Variants in WNT2B observed in about 807,000 individuals in gnomAD.
WNT2B encodes the protein protein Wnt-2b.
In WNT2B, 19 loss-of-function variants were observed where a neutral mutation model predicts 40.5. The observed-to-expected ratio is 0.47, with a 90% CI of 0.33 to 0.69. The LOEUF (loss-of-function observed/expected upper bound fraction) is 0.69. Among genes scored for constraint, WNT2B ranks in the 30% least tolerant of loss-of-function variants. The probability of loss-of-function intolerance (pLI) is 0.02; values close to 1 mark genes in which losing one functional copy is unlikely to be tolerated. For synonymous variants in WNT2B, 220 were observed against 211.9 expected, an observed-to-expected ratio of 1.04 and a Z score of -0.33; for missense variants, 467 against 556.4, an observed-to-expected ratio of 0.84 and a Z score of 1.62.
intron 1 of WNT2B, among the ~76,000 whole-genome samples, chr1:112,481,380 A>C (rs1264100051): frequency 6.6e-6 from 1 of 152,190 alleles, no homozygotes; most frequent in East Asian, 1.9e-4. Context: ...GACTCTCAAC[A>C]AAAGAGGTAC....
chr1:112,481,848 A>C (rs981350216), intron 1 of WNT2B, among the ~76,000 whole-genome samples: 6 of 152,088 alleles, frequency 3.9e-5, no homozygotes, highest in Admixed American at 3.3e-4. Flanking sequence ...CCATATCTAC[A>C]AAAATTTTTT....
At chr1:112,492,828 C>T (rs748117649) in intron 1 of WNT2B, among the ~76,000 whole-genome samples, 1 of 152,180 alleles carries the variant, frequency 6.6e-6, no homozygotes, top group African/African-American at 2.4e-5. Flanking sequence ...GATTGAGAAG[C>T]TTTTGCGAGG....
chr1:112,493,497 T>C (rs1246286333), intron 1 of WNT2B, among the ~76,000 whole-genome samples: 1 of 152,016 alleles, frequency 6.6e-6, no homozygotes, highest in East Asian at 1.9e-4. Context: ...TGGTGCACGC[T>C]TGTGGTCCCA....
rs1352320682 is a variant in WNT2B at position 112,509,225 on chromosome 1, G to A, written c.-38G>A. ...TACCCCCAGAAGGTGCCCCGTCCAC[G>A]CCCCTCCGGGCTGCGCGGCGGGAGT... On this transcript the variant is annotated 5_prime_UTR_variant, in exon 1 of 5. Coordinates refer to ENST00000369684, the MANE Select transcript of WNT2B (RefSeq NM_024494.3). This position sits in a 1 kb window ranked among gnomAD's most constrained non-coding sequence, Gnocchi z 4.2. The A allele has an allele frequency of 6.8e-7, 1 of 1,476,816 alleles. No individual in the cohort carries two copies. The highest frequency in any genetic ancestry group is 2.8e-5 in the East Asian group (1 of 36,338). 91.5% of individuals were successfully genotyped at this position (1,476,816 alleles called of 1,614,324 possible). A position where few individuals can be genotyped will look rare whatever the true frequency, so the allele number is the denominator to read the frequency against.
In WNT2B at chr1:112,515,740, G is replaced by C. The variant is rs558109125; in HGVS notation, c.404-400G>C. 6.6e-6 allele frequency among the ~76,000 whole-genome samples: 1 copy of C among 152,318 alleles called. No individual in the cohort carries two copies. The highest frequency in any genetic ancestry group is 1.9e-4 in the East Asian group (1 of 5,184). On this transcript the variant is annotated intron_variant, in intron 2 of 4. Transcript: ENST00000369684. This position sits in a 1 kb window ranked among gnomAD's most constrained non-coding sequence, Gnocchi z 4.4. ...ACCCCTGGGCTGGGGTCTCCATTGTGGGGGAACTGTCCAGCAGAGTGGGCC... is the reference window on the plus strand; with the variant it reads ...ACCCCTGGGCTGGGGTCTCCATTGTCGGGGAACTGTCCAGCAGAGTGGGCC...
chr1:112,487,687 C>G (rs1465918437), intron 1 of WNT2B, among the ~76,000 whole-genome samples: 1 of 152,048 alleles, frequency 6.6e-6, no homozygotes, highest in Admixed American at 6.6e-5. Flanking sequence ...AATCCCAACA[C>G]TTTGGGAGGC....
chr1:112,516,086 G>T, intron 2 of WNT2B, 54 bp from the exon 3 acceptor site: 1 of 1,560,170 alleles, frequency 6.4e-7, no homozygotes, highest in Non-Finnish European at 8.7e-7. Context: ...GGCTGAAGAA[G>T]GGGACAGACA....
chr1:112,525,887 T>G lies in WNT2B; in HGVS notation c.*5378T>G. The stretch of plus-strand genomic sequence containing the variant: ...AATATTCATAAGAAGCTTTTTCATA[T>G]GCAAAATGCTTTAGCATATATGTAA... On this transcript the variant is annotated 3_prime_UTR_variant, in exon 5 of 5. Transcript: ENST00000369684. 1 of 1,325,754 alleles carries G rather than the reference T, an allele frequency of 7.5e-7. No homozygotes were observed. The highest frequency in any genetic ancestry group is 1.0e-6 in the Non-Finnish European group (1 of 996,364). The allele number at this position is 1,325,754 out of a possible 1,614,324, so 82.1% of individuals were successfully genotyped here.
chr1:112,526,062 T>C lies in WNT2B; in HGVS notation c.*5553T>C. The C allele has an allele frequency of 6.2e-7, 1 of 1,614,128 alleles. No homozygotes were observed. Among genetic ancestry groups the C allele is most frequent in the Non-Finnish European group, 8.5e-7 (1 of 1,180,030 alleles). On this transcript the variant is annotated 3_prime_UTR_variant, in exon 5 of 5. Coordinates refer to ENST00000369684, the MANE Select transcript of WNT2B (RefSeq NM_024494.3). ...TTCTGACTTCAAATCCTGTGTATTC[T>C]CCTCAAAGCCTGAGGATGCCCAGGG...
At chr1:112,506,847 G>A (rs927853975), upstream of WNT2B, among the ~76,000 whole-genome samples, 2 of 152,186 alleles carry the variant, frequency 1.3e-5, no homozygotes, top group African/African-American at 2.4e-5. Context: ...CCAGGAAGTC[G>A]GCCCTGAGAA....
In WNT2B at chr1:112,525,755, G is replaced by T; in HGVS notation, c.*5246G>T. ...TCAACCCCAACAGCCCCTGTAAGTA[G>T]CCCTGGCCAAACAGAAAGGCTAAGC... On this transcript the variant is annotated 3_prime_UTR_variant, in exon 5 of 5. Transcript: ENST00000369684. 1 of 380,700 alleles carries T rather than the reference G, an allele frequency of 2.6e-6. No individual in the cohort carries two copies. The highest frequency in any genetic ancestry group is 4.7e-6 in the Non-Finnish European group (1 of 213,996). The allele number at this position is 380,700 out of a possible 1,614,324, so 23.6% of individuals were successfully genotyped here.
rs1653073564 is a variant in WNT2B at position 112,524,233 on chromosome 1, C to T, written c.*3724C>T. 1 of 152,546 alleles carries T rather than the reference C, an allele frequency of 6.6e-6. No individual in the cohort carries two copies. The highest frequency in any genetic ancestry group is 2.4e-5 in the African/African-American group (1 of 41,416). 9.4% of individuals were successfully genotyped at this position (152,546 alleles called of 1,614,324 possible). A position where few individuals can be genotyped will look rare whatever the true frequency, so the allele number is the denominator to read the frequency against. The stretch of plus-strand genomic sequence containing the variant: ...GGACACGAGTCTCTACATGGCTTAA[C>T]AGAAGAGAGATAATTAGGATTTTTT... On this transcript the variant is annotated 3_prime_UTR_variant, in exon 5 of 5. Coordinates refer to ENST00000369684, the MANE Select transcript of WNT2B (RefSeq NM_024494.3).
In WNT2B at chr1:112,525,980, G is replaced by T; in HGVS notation, c.*5471G>T. On this transcript the variant is annotated 3_prime_UTR_variant, in exon 5 of 5. Transcript: ENST00000369684. ...CAGATGCTGTTCAGAAAAATTTGGTGATTTGTCCAAGGTCACATGAACAGT... is the reference window on the plus strand; with the variant it reads ...CAGATGCTGTTCAGAAAAATTTGGTTATTTGTCCAAGGTCACATGAACAGT... 1.9e-6 allele frequency: 3 copies of T among 1,612,288 alleles called. No homozygotes were observed. The highest frequency in any genetic ancestry group is 2.5e-6 in the Non-Finnish European group (3 of 1,178,788).
At position 112,516,200 on chromosome 1, in the gene WNT2B, C is replaced by T; in HGVS notation, c.464C>T (p.Thr155Ile). The T allele has an allele frequency of 1.2e-6, 2 of 1,614,050 alleles. No individual in the cohort carries two copies. Among genetic ancestry groups the T allele is most frequent in the Non-Finnish European group, 1.7e-6 (2 of 1,180,032 alleles). ...ISSAGVVHAITRACSQGELSV... is the reference protein window; with the variant it reads ...ISSAGVVHAIIRACSQGELSV... ...TCAGCAGGGGTAGTCCACGCTATTA[C>T]TCGCGCCTGTAGCCAGGGTGAACTG... The change falls in exon 3 of 5, where the codon ACT becomes ATT. Residue 155 changes from threonine (T) to isoleucine (I), a missense_variant. This residue lies in a region of WNT2B where 330 missense variants were observed against 438.6 expected (regional missense o/e 0.75). Transcript: ENST00000369684.
chr1:112,481,778 G>C (rs549481260), intron 1 of WNT2B, among the ~76,000 whole-genome samples: 1 of 152,224 alleles, frequency 6.6e-6, no homozygotes, highest in East Asian at 1.9e-4. Context: ...TGGGAGGCCA[G>C]GTCAAGAGAA....
chr1:112,511,731 G>A lies in WNT2B; in HGVS notation c.182+2287G>A, dbSNP rs190996836. On this transcript the variant is annotated intron_variant, in intron 1 of 4. Transcript: ENST00000369684. ...TTTTGCATTCTGTAGGGGGTTGGAT[G>A]TAGGGAATCACAAGAACAGGATTGT... 3.3e-5 allele frequency among the ~76,000 whole-genome samples: 5 copies of A among 152,334 alleles called. No homozygotes were observed. The East Asian group carries it at 9.6e-4, about 29-fold the overall frequency.
chr1:112,516,028 T>G, intron 2 of WNT2B, 112 bp from the exon 3 acceptor site: 1 of 1,418,348 alleles, frequency 7.1e-7, no homozygotes. Flanking sequence ...TAGGGGTGAC[T>G]CTGGGAAAGA....
At chr1:112,483,653 T>A (rs1202446407) in intron 1 of WNT2B, among the ~76,000 whole-genome samples, 1 of 151,662 alleles carries the variant, frequency 6.6e-6, no homozygotes, top group Non-Finnish European at 1.5e-5. Flanking sequence ...CTAAAAAGCT[T>A]CTGCACAGCA....
intron 1 of WNT2B, among the ~76,000 whole-genome samples, chr1:112,487,275 G>A (rs921834973): frequency 7.2e-5 from 11 of 152,246 alleles, no homozygotes; most frequent in African/African-American, 2.6e-4. Context: ...AAAGATTCGT[G>A]GTTGCCTGGG....
Sources: allele counts gnomAD v4.1 joint callset (sites outside exome capture counted in the v4.1 genomes callset), GRCh38; gene constraint gnomAD v4.1.1; regional missense constraint gnomAD v4.1.1; non-coding constraint Gnocchi (gnomAD v3.1); transcripts MANE v1.5; gene names NCBI Gene and HGNC (gene_info 2026-07-23, HGNC 2026-07-21).